ABTB3: variants seen among roughly 807,000 people sequenced by gnomAD.
ABTB3 encodes the protein ankyrin repeat- and BTB/POZ domain-containing protein 3.
At chr12:107,328,718 C>A in the ABTB3 span, among the ~76,000 whole-genome samples, 1 of 152,204 alleles carries the variant, frequency 6.6e-6, no homozygotes, top group East Asian at 1.9e-4. Flanking sequence ...CAGGATGCCA[C>A]AGCTACAAAG....
At chr12:107,402,300 G>A in the ABTB3 span, among the ~76,000 whole-genome samples, 1 of 152,140 alleles carries the variant, frequency 6.6e-6, no homozygotes, top group Admixed American at 6.5e-5. Context: ...TGTGCTTAAC[G>A]ATACTGCCTC....
the ABTB3 span, among the ~76,000 whole-genome samples, chr12:107,550,586 T>TC: frequency 6.1e-5 from 9 of 147,826 alleles, no homozygotes; most frequent in South Asian, 4.2e-4. Context: ...TTTCTTTCTT[T>TC]TTTTTTTTTT....
the ABTB3 span, among the ~76,000 whole-genome samples, chr12:107,361,946 T>C: frequency 6.6e-6 from 1 of 152,166 alleles, no homozygotes. Context: ...GAAAGCTCAC[T>C]TGCCCCTTCC....
At chr12:107,649,885 G>A in the ABTB3 span, 1 of 152,312 alleles carries the variant, frequency 6.6e-6, no homozygotes, top group African/African-American at 2.4e-5. Flanking sequence ...GCCTGTCTAG[G>A]AGTCTTGTTT....
the ABTB3 span, among the ~76,000 whole-genome samples, chr12:107,346,247 G>A: frequency 1.3e-5 from 2 of 152,072 alleles, no homozygotes; most frequent in Non-Finnish European, 2.9e-5. Flanking sequence ...TGTGATGTGG[G>A]GGAAGATGGA....
At chr12:107,388,371 CT>C in the ABTB3 span, among the ~76,000 whole-genome samples, 1 of 150,946 alleles carries the variant, frequency 6.6e-6, no homozygotes, top group East Asian at 2.0e-4. Context: ...CTAATTCTGC[CT>C]TCTATTCTTT....
At chr12:107,508,059 G>A in the ABTB3 span, among the ~76,000 whole-genome samples, 1 of 145,750 alleles carries the variant, frequency 6.9e-6, no homozygotes, top group Non-Finnish European at 1.5e-5. Flanking sequence ...TTGATGGAAG[G>A]GTAGAAAGAT....
At chr12:107,405,446 C>G in the ABTB3 span, among the ~76,000 whole-genome samples, 1 of 152,346 alleles carries the variant, frequency 6.6e-6, no homozygotes, top group Admixed American at 6.5e-5. Flanking sequence ...GACTTATATT[C>G]TACTTTAGAT....
the ABTB3 span, among the ~76,000 whole-genome samples, chr12:107,565,737 A>G: frequency 2.0e-5 from 3 of 151,956 alleles, no homozygotes; most frequent in African/African-American, 7.3e-5. Flanking sequence ...CCAGAAATCA[A>G]CCCCTTTCCT....
the ABTB3 span, among the ~76,000 whole-genome samples, chr12:107,613,270 AGGAGGCACT>A: frequency 6.6e-6 from 1 of 152,100 alleles, no homozygotes; most frequent in Non-Finnish European, 1.5e-5. Context: ...CACACAGCAA[AGGAGGCACT>A]GGCTCAATCC....
chr12:107,584,380 T>C, the ABTB3 span, among the ~76,000 whole-genome samples: 1 of 152,240 alleles, frequency 6.6e-6, no homozygotes, highest in African/African-American at 2.4e-5. Context: ...ATGGGACTTA[T>C]CCGAGGTCAC....
the ABTB3 span, among the ~76,000 whole-genome samples, chr12:107,522,041 G>T: frequency 4.0e-5 from 6 of 151,736 alleles, no homozygotes; most frequent in Non-Finnish European, 4.4e-5. Context: ...AGACAATTCA[G>T]TTCCTGGTGA....
chr12:107,526,254 A>G, the ABTB3 span, among the ~76,000 whole-genome samples: 8 of 152,192 alleles, frequency 5.3e-5, no homozygotes, highest in Non-Finnish European at 1.2e-4. Flanking sequence ...TTTCACGGGT[A>G]AGCTAAATCA....
chr12:107,655,442 CTG>C, the ABTB3 span, among the ~76,000 whole-genome samples: 2 of 152,222 alleles, frequency 1.3e-5, no homozygotes, highest in Non-Finnish European at 2.9e-5. Flanking sequence ...TTTCTGTGCA[CTG>C]CTTCCCCTGT....
At chr12:107,450,112 C>T in the ABTB3 span, among the ~76,000 whole-genome samples, 1 of 151,902 alleles carries the variant, frequency 6.6e-6, no homozygotes, top group Non-Finnish European at 1.5e-5. Flanking sequence ...ATGAACAGCT[C>T]ACAGAGACTG....
chr12:107,560,860 G>A, the ABTB3 span, among the ~76,000 whole-genome samples: 1 of 152,274 alleles, frequency 6.6e-6, no homozygotes, highest in East Asian at 1.9e-4. Context: ...GGAGGTTTTT[G>A]TTTGTTTGGT....
chr12:107,492,687 T>C, the ABTB3 span, among the ~76,000 whole-genome samples: 3 of 152,084 alleles, frequency 2.0e-5, no homozygotes, highest in Non-Finnish European at 4.4e-5. Flanking sequence ...ACGGCCGCTG[T>C]GGGAGGTCTG....
the ABTB3 span, among the ~76,000 whole-genome samples, chr12:107,643,402 CAAAAAA>C: frequency 0.076 from 6,032 of 79,382 alleles, 160 homozygotes; most frequent in East Asian, 0.15. Flanking sequence ...GACCCTATCT[CAAAAAA>C]AAAAAAAAAA....
chr12:107,373,275 C>A, the ABTB3 span, among the ~76,000 whole-genome samples: 1 of 150,966 alleles, frequency 6.6e-6, no homozygotes, highest in African/African-American at 2.4e-5. Context: ...GTAGATGGAG[C>A]AATTCCCATC....
Sources: gnomAD v4.1 joint callset for allele counts (sites outside exome capture counted in the v4.1 genomes callset) on GRCh38, gnomAD v4.1.1 for gene constraint, MANE v1.5 for transcripts, NCBI Gene and HGNC (gene_info 2026-07-23, HGNC 2026-07-21) for gene names.